Variants in IREB2 observed in about 807,000 individuals in gnomAD.
IREB2 encodes iron-responsive element-binding protein 2.
A neutral mutation model predicts 118.8 loss-of-function variants in IREB2; 39 were observed. That is an observed-to-expected ratio of 0.33 (90% confidence interval 0.25 to 0.43). IREB2 has a LOEUF of 0.43. Among genes scored for constraint, IREB2 ranks in the 20% least tolerant of loss-of-function variants. The pLI, the probability that IREB2 is intolerant of heterozygous loss-of-function variation, is 1.00. For missense variants in IREB2, 900 were observed against 1,147.3 expected (o/e 0.78, Z 3.11); for synonymous variants, 372 against 392.2 (o/e 0.95, Z 0.61).
chr15:78,483,651 A>G (rs1190236296), intron 11 of IREB2, among the ~76,000 whole-genome samples: 1 of 152,174 alleles, frequency 6.6e-6, no homozygotes, highest in Non-Finnish European at 1.5e-5. Flanking sequence ...GATTGTGTCT[A>G]TTTAAATTAA....
At position 78,440,736 on chromosome 15, in the gene IREB2, A is replaced by G. The variant is rs117694860; in HGVS notation, c.106+855A>G. On this transcript the variant is annotated intron_variant, in intron 2 of 21. Coordinates refer to ENST00000258886, the MANE Select transcript of IREB2 (RefSeq NM_004136.4). ...GCCATCTGTTGAATAGGAATCACCA[A>G]CAGGACCCATTGATTTGAATTTTTC... Among the ~76,000 whole-genome samples the G allele has an allele frequency of 4.9e-4, 74 of 152,298 alleles. 2 individuals carry two copies. The East Asian group carries it at 0.014, about 28-fold the overall frequency.
At chr15:78,444,018 C>T (rs1295163401) in intron 2 of IREB2, among the ~76,000 whole-genome samples, 1 of 151,724 alleles carries the variant, frequency 6.6e-6, no homozygotes, top group Non-Finnish European at 1.5e-5. Context: ...AGAAACATGT[C>T]AAAATCTAGG....
intron 21 of IREB2, among the ~76,000 whole-genome samples, chr15:78,497,765 A>G (rs1454344391): frequency 2.6e-5 from 4 of 152,236 alleles, no homozygotes; most frequent in Non-Finnish European, 5.9e-5. Context: ...GAATGTGAGT[A>G]GTGAGTATAA....
At chr15:78,456,470 C>T (rs545687359) in intron 2 of IREB2, among the ~76,000 whole-genome samples, 1 of 151,772 alleles carries the variant, frequency 6.6e-6, no homozygotes, top group African/African-American at 2.4e-5. Flanking sequence ...CGAGAACTCC[C>T]TGGGCAACAT....
At chr15:78,495,702 A>C (rs749289010) in intron 20 of IREB2, among the ~76,000 whole-genome samples, 4 of 152,154 alleles carry the variant, frequency 2.6e-5, no homozygotes, top group Non-Finnish European at 4.4e-5. Context: ...AATGAGTAAA[A>C]ATTTGTAAAA....
At position 78,438,252 on chromosome 15, in the gene IREB2, C is replaced by G; in HGVS notation, c.-86C>G. The G allele has an allele frequency of 1.9e-6, 2 of 1,057,368 alleles. No individual in the cohort carries two copies. The highest frequency in any genetic ancestry group is 2.6e-5 in the East Asian group (1 of 38,862). 65.5% of individuals were successfully genotyped at this position (1,057,368 alleles called of 1,614,324 possible). A position where few individuals can be genotyped will look rare whatever the true frequency, so the allele number is the denominator to read the frequency against. On this transcript the variant is annotated 5_prime_UTR_variant, in exon 1 of 22. Coordinates refer to ENST00000258886, the MANE Select transcript of IREB2 (RefSeq NM_004136.4). ...CTTCTTTCCTCCCTTGCCAGTCCGC[C>G]TGTCTTCCTCCCCGTCTTCCCTGCC...
intron 8 of IREB2, chr15:78,474,722 T>C (rs1465033741): frequency 6.6e-6 from 1 of 152,198 alleles, no homozygotes; most frequent in African/African-American, 2.4e-5. Flanking sequence ...GAGCAGCATT[T>C]GGTTTGTAAT....
chr15:78,445,212 A>G (rs2050909813), intron 2 of IREB2, among the ~76,000 whole-genome samples: 1 of 148,470 alleles, frequency 6.7e-6, no homozygotes, highest in Admixed American at 6.9e-5. Context: ...GTCTCAGTTC[A>G]TTGCGTCCTC....
intron 10 of IREB2, among the ~76,000 whole-genome samples, chr15:78,480,470 G>A (rs2051547487): frequency 2.0e-5 from 3 of 150,076 alleles, no homozygotes; most frequent in African/African-American, 7.4e-5. Context: ...ACCTCCTGAG[G>A]TCAGGAGTTC....
At chr15:78,473,186 A>C in intron 7 of IREB2, 56 bp from the exon 8 acceptor site, 1 of 1,513,350 alleles carries the variant, frequency 6.6e-7, no homozygotes. Flanking sequence ...CAGATGTTAC[A>C]GAGATAAATG....
rs756297456 is a variant in IREB2, at chr15:78,465,294, G to T, written c.316G>T (p.Val106Leu). The T allele has an allele frequency of 1.2e-6, 2 of 1,612,938 alleles. No individual in the cohort carries two copies. Among genetic ancestry groups the T allele is most frequent in the Non-Finnish European group, 1.7e-6 (2 of 1,179,610 alleles). Residue 106 changes from valine (V) to leucine (L), a missense_variant, in exon 4 of 22, where the codon GTG becomes TTG. Transcript: ENST00000258886. ...GGATTTTGCTGCTATGAGGGAGGCA[G>T]TGAAAACTCTTGGAGGTGATCCTGA... ...MVDFAAMREA[V>L]KTLGGDPEKV...
intron 8 of IREB2, chr15:78,475,682 CA>C (rs531095579): frequency 6.0e-4 from 84 of 139,028 alleles, no homozygotes; most frequent in Non-Finnish European, 4.9e-4. Context: ...CCTGTCTCTA[CA>C]AAAAAAAAAA....
intron 9 of IREB2, among the ~76,000 whole-genome samples, chr15:78,478,036 A>G (rs955800512): frequency 6.6e-6 from 1 of 151,710 alleles, no homozygotes; most frequent in Non-Finnish European, 1.5e-5. Flanking sequence ...AACCTATTCA[A>G]AAAAAACAAG....
At chr15:78,474,614 AT>A (rs2051433734) in intron 8 of IREB2, 1 of 152,114 alleles carries the variant, frequency 6.6e-6, no homozygotes, top group East Asian at 1.9e-4. Flanking sequence ...AATCTATTAT[AT>A]ATGTTTACAT....
chr15:78,444,711 A>C (rs1241326201), intron 2 of IREB2, among the ~76,000 whole-genome samples: 1 of 152,216 alleles, frequency 6.6e-6, no homozygotes, highest in Non-Finnish European at 1.5e-5. Context: ...ATATATGTAA[A>C]TATGCTACTT....
intron 2 of IREB2, among the ~76,000 whole-genome samples, chr15:78,455,852 T>A (rs1179463562): frequency 6.6e-6 from 1 of 152,212 alleles, no homozygotes; most frequent in African/African-American, 2.4e-5. Flanking sequence ...ACAGTCACAG[T>A]TTCTGTAGGT....
intron 2 of IREB2, among the ~76,000 whole-genome samples, chr15:78,453,527 G>A (rs1186279955): frequency 2.6e-5 from 4 of 151,874 alleles, no homozygotes; most frequent in Admixed American, 6.5e-5. Context: ...TGCAAAAAAA[G>A]GAGAGAGGAA....
intron 2 of IREB2, among the ~76,000 whole-genome samples, chr15:78,456,493 T>C (rs527842430): frequency 8.6e-5 from 13 of 151,468 alleles, no homozygotes; most frequent in African/African-American, 3.1e-4. Context: ...CGAAACCCTA[T>C]TGCTACAAAA....
At chr15:78,471,333 A>G (rs533841542) in intron 6 of IREB2, among the ~76,000 whole-genome samples, 1 of 152,192 alleles carries the variant, frequency 6.6e-6, no homozygotes, top group Non-Finnish European at 1.5e-5. Context: ...TAAAGGTTTT[A>G]TAGTAGTAGA....
Sources: gnomAD v4.1 joint callset for allele counts (sites outside exome capture counted in the v4.1 genomes callset) on GRCh38, gnomAD v4.1.1 for gene constraint, MANE v1.5 for transcripts, NCBI Gene and HGNC (gene_info 2026-07-23, HGNC 2026-07-21) for gene names.